Variants in SH2D3A observed in about 807,000 individuals in gnomAD.
SH2D3A encodes SH2 domain-containing protein 3A.
A neutral mutation model predicts 50.6 loss-of-function variants in SH2D3A; 46 were observed. That is an observed-to-expected ratio of 0.91 (90% CI 0.72 to 1.16). The LOEUF is 1.16. Among genes scored for constraint, SH2D3A ranks in the 50% most tolerant of loss-of-function variants. SH2D3A has a pLI of 0.00. For synonymous variants in SH2D3A, 377 were observed against 348.4 expected (o/e 1.08, Z -0.91); for missense variants, 783 against 786.2 (o/e 1.00, Z 0.05).
At position 6,756,254 on chromosome 19, in the gene SH2D3A, T is replaced by C. The variant is rs1041031763; in HGVS notation, c.497-939A>G. Among the ~76,000 whole-genome samples the C allele has an allele frequency of 2.0e-5, 3 of 149,396 alleles. No homozygotes were observed. In the Admixed American group the frequency reaches 2.0e-4, roughly 10 times the overall value. On this transcript the variant is annotated intron_variant, in intron 4 of 9. Transcript: ENST00000245908. ...TATATACTACATATAATTACATTTATATATGATAGATATTTTACTTTTTTT... is the reference window on the plus strand; with the variant it reads ...TATATACTACATATAATTACATTTACATATGATAGATATTTTACTTTTTTT...
chr19:6,761,864 G>T (rs1235478124), intron 2 of SH2D3A, among the ~76,000 whole-genome samples: 5 of 151,376 alleles, frequency 3.3e-5, no homozygotes, highest in African/African-American at 9.7e-5. Context: ...TGGGAGAATC[G>T]CTTGAACCCA....
At chr19:6,761,977 C>A (rs201265318) in intron 2 of SH2D3A, among the ~76,000 whole-genome samples, 2,643 of 127,880 alleles carry the variant, frequency 0.021, 103 homozygotes, top group African/African-American at 0.075. Context: ...AAAAAAAAAA[C>A]AAAAAAAAGG....
At position 6,754,740 on chromosome 19, in the gene SH2D3A, G is replaced by T. The variant is rs540636347; in HGVS notation, c.982-9C>A. ...CCCAGGAGGCCTGTGGCCTGCAGAA[G>T]GGAATGGGGAAGTCAGGTGAAGCGT... is the stretch of plus-strand genomic sequence containing the variant. On this transcript the variant is annotated splice_polypyrimidine_tract_variant and intron_variant, in intron 5 of 9. Coordinates refer to ENST00000245908, the MANE Select transcript of SH2D3A (RefSeq NM_005490.3). 6.2e-7 allele frequency: 1 copy of T among 1,613,894 alleles called. No individual in the cohort carries two copies.
intron 1 of SH2D3A, 87 bp from the exon 2 acceptor site, chr19:6,763,903 A>ATATTTT: frequency 3.7e-6 from 1 of 266,770 alleles, no homozygotes; most frequent in African/African-American, 2.6e-5. Context: ...GCTCCATCAA[A>ATATTTT]TCTTTTTTTT....
chr19:6,754,180 G>A lies in SH2D3A; in HGVS notation c.1273-17C>T, dbSNP rs1329399254. The stretch of plus-strand genomic sequence containing the variant: ...CCGGGACACCTGGGAGAAGAGATCT[G>A]AGCACGCCTCCTCTCCAGTCTTCCC... On this transcript the variant is annotated splice_polypyrimidine_tract_variant and intron_variant, in intron 7 of 9. Coordinates refer to ENST00000245908, the MANE Select transcript of SH2D3A (RefSeq NM_005490.3). 3.1e-6 allele frequency: 5 copies of A among 1,610,520 alleles called. No homozygotes were observed. The highest frequency in any genetic ancestry group is 4.2e-6 in the Non-Finnish European group (5 of 1,178,774).
Position 6,754,653 on chromosome 19 carries a change from G to A in SH2D3A, c.1060C>T (p.Pro354Ser), listed in dbSNP as rs778370742. The A allele has an allele frequency of 6.2e-7, 1 of 1,614,212 alleles. No homozygotes were observed. The highest frequency in any genetic ancestry group is 2.2e-5 in the East Asian group (1 of 44,878). ...TCCAACCTCAAGTGGTGTCCATGGG[G>A]AAGAGTGAGCAGCTCCAGGCCAGAT... ...VSSGLELLTL[P>S]HGHHLRLELL... Residue 354 changes from proline to serine, a missense_variant, in exon 6 of 10, where the codon CCC (proline) becomes TCC (serine). Physicochemically the swap from Pro to Ser is moderately conservative, Grantham distance 74 (BLOSUM62 -1). Transcript: ENST00000245908.
In SH2D3A at chr19:6,759,732, C is replaced by T. The variant is rs181902143; in HGVS notation, c.420-62G>A. On this transcript the variant is annotated intron_variant, in intron 3 of 9. Coordinates refer to ENST00000245908, the MANE Select transcript of SH2D3A (RefSeq NM_005490.3). Reference sequence around the variant, plus strand: ...CCTAAGCAGTGTCCCCCACCAATATCTGCAAAACCCTGTGTCCAGTTACTC... The same window carrying T: ...CCTAAGCAGTGTCCCCCACCAATATTTGCAAAACCCTGTGTCCAGTTACTC... 11,608 of 1,510,250 alleles carry T rather than the reference C, an allele frequency of 7.7e-3. 68 individuals carry two copies. The highest frequency in any genetic ancestry group is 0.014 in the Middle Eastern group (81 of 5,756). The allele number at this position is 1,510,250 out of a possible 1,614,324, so 93.6% of individuals were successfully genotyped here.
chr19:6,759,456 T>G lies in SH2D3A; in HGVS notation c.496+138A>C, dbSNP rs375473747. The G allele has an allele frequency of 7.5e-5, 57 of 762,036 alleles. No individual in the cohort carries two copies. In the East Asian group the frequency reaches 9.6e-4, roughly 13 times the overall value. The allele number at this position is 762,036 out of a possible 1,614,324, so 47.2% of individuals were successfully genotyped here. A position where few individuals can be genotyped will look rare whatever the true frequency, so the allele number is the denominator to read the frequency against. ...AGCACCCACAAAGTCCCTGCATGTT[T>G]TAAGTCATCGTGATTGTCATCATTT... On this transcript the variant is annotated intron_variant, in intron 4 of 9. Coordinates refer to ENST00000245908, the MANE Select transcript of SH2D3A (RefSeq NM_005490.3).
At chr19:6,758,155 T>TTTTA (rs748038543) in intron 4 of SH2D3A, 15,285 of 151,910 alleles carry the variant, frequency 0.1, 824 homozygotes, top group African/African-American at 0.13. Context: ...ATTTTATTTT[T>TTTTA]TTTTAGTAGA....
chr19:6,752,749 G>C lies in SH2D3A; in HGVS notation c.1575C>G (p.Phe525Leu), dbSNP rs1290714291. ...RKVAAQRLRG[F>L]RPNPELREAL... ...CCTCCCTCAGCTCCGGGTTAGGCCG[G>C]AATCCTGGAAGCAAGGTCAGGTGGG... Residue 525 changes from phenylalanine to leucine, a missense_variant, in exon 10 of 10, where the codon TTC (phenylalanine) becomes TTG (leucine). Coordinates refer to ENST00000245908, the MANE Select transcript of SH2D3A (RefSeq NM_005490.3). The C allele has an allele frequency of 6.5e-7, 1 of 1,535,636 alleles. No homozygotes were observed. The highest frequency in any genetic ancestry group is 8.8e-7 in the Non-Finnish European group (1 of 1,137,224).
chr19:6,763,253 G>A (rs550383686), intron 2 of SH2D3A, among the ~76,000 whole-genome samples: 74 of 152,034 alleles, frequency 4.9e-4, no homozygotes, highest in African/African-American at 1.8e-3. Context: ...TATTAGAGAT[G>A]GGGTTTCACA....
intron 3 of SH2D3A, among the ~76,000 whole-genome samples, chr19:6,760,249 G>A (rs940405460): frequency 2.0e-5 from 3 of 152,110 alleles, no homozygotes; most frequent in Admixed American, 6.6e-5. Flanking sequence ...GGTGGTGCAC[G>A]CCTGTAATCC....
rs1328942729 is a variant in SH2D3A at position 6,752,493 on chromosome 19, T to C, written c.*100A>G. 1 of 1,188,692 alleles carries C rather than the reference T, an allele frequency of 8.4e-7. No individual in the cohort carries two copies. Among genetic ancestry groups the C allele is most frequent in the Non-Finnish European group, 1.1e-6 (1 of 892,282 alleles). The allele number at this position is 1,188,692 out of a possible 1,614,324, so 73.6% of individuals were successfully genotyped here. A position where few individuals can be genotyped will look rare whatever the true frequency, so the allele number is the denominator to read the frequency against. On this transcript the variant is annotated 3_prime_UTR_variant, in exon 10 of 10. Coordinates refer to ENST00000245908, the MANE Select transcript of SH2D3A (RefSeq NM_005490.3). ...CTCTTCTGTGAGGCACAGGGCAGGA[T>C]TCCACCTGAGGCGCGAGGAGCCTGG...
In SH2D3A at chr19:6,755,234, G is replaced by T. The variant is rs543050397; in HGVS notation, c.578C>A (p.Thr193Asn). ...VLLKAPAPLG[T>N]VADSLRASDG... ...GGAGGCCCTGAGACTGTCGGCAACA[G>T]TTCCCAGGGGAGCAGGGGCCTTCAG... is the stretch of plus-strand genomic sequence containing the variant. Residue 193 changes from threonine to asparagine, a missense_variant, in exon 5 of 10, where the codon ACT becomes AAT. Transcript: ENST00000245908. The T allele has an allele frequency of 2.6e-6, 4 of 1,542,900 alleles. No homozygotes were observed. In the East Asian group the frequency reaches 9.0e-5, roughly 35 times the overall value.
Position 6,754,601 on chromosome 19 carries a change from A to G in SH2D3A, c.1097+15T>C. 1 of 1,614,016 alleles carries G rather than the reference A, an allele frequency of 6.2e-7. No homozygotes were observed. Among genetic ancestry groups the G allele is most frequent in the Middle Eastern group, 1.7e-4 (1 of 6,060 alleles). On this transcript the variant is annotated intron_variant, in intron 6 of 9. Transcript: ENST00000245908. ...ATTGGCCTCCCCCAACCAAGATTAC[A>G]AGCTGCTGGCTCACCTCTCCAGCAG...
chr19:6,754,369 A>T lies in SH2D3A; in HGVS notation c.1154T>A (p.Leu385Gln), dbSNP rs1281756046. The T allele has an allele frequency of 3.2e-6, 5 of 1,555,698 alleles. No individual in the cohort carries two copies. The highest frequency in any genetic ancestry group is 4.3e-6 in the Non-Finnish European group (5 of 1,158,876). ...ALAVLGCSGPLEERAAALRGL... is the reference protein window; with the variant it reads ...ALAVLGCSGPQEERAAALRGL... ...CCTCAGTGCGGCTGCGCGCTCCTCC[A>T]GCGGCCCCGAGCAGCCCAGCACCGC... The change falls in exon 7 of 10, where the codon CTG becomes CAG. Residue 385 changes from leucine to glutamine, a missense_variant. Leu to Gln is a moderately radical substitution (Grantham distance 113). Coordinates refer to ENST00000245908, the MANE Select transcript of SH2D3A (RefSeq NM_005490.3).
At chr19:6,760,511 T>C in intron 3 of SH2D3A, 127 bp downstream of exon 3, 1 of 757,044 alleles carries the variant, frequency 1.3e-6, no homozygotes, top group Non-Finnish European at 2.1e-6. Flanking sequence ...TGAGCTGAAA[T>C]CATGCCACTG....
intron 9 of SH2D3A, 42 bp downstream of exon 9, chr19:6,753,414 G>C (rs1264884940): frequency 3.5e-6 from 5 of 1,429,144 alleles, no homozygotes; most frequent in Admixed American, 2.9e-5. Flanking sequence ...GAACCTGCAG[G>C]GTGCTCTGAA....
rs771305573 is a variant in SH2D3A at position 6,753,444 on chromosome 19, G to A, written c.1570+12C>T. The A allele has an allele frequency of 4.5e-5, 67 of 1,492,822 alleles. No individual in the cohort carries two copies. In the Middle Eastern group the frequency reaches 1.7e-3, roughly 39 times the overall value. The allele number at this position is 1,492,822 out of a possible 1,614,324, so 92.5% of individuals were successfully genotyped here. Reference sequence around the variant, plus strand: ...TCTGAAGTCTGCAGTCCAGCGCAGAGGGAACGCTCACCTCGCAGGCGCTGG... The same window carrying A: ...TCTGAAGTCTGCAGTCCAGCGCAGAAGGAACGCTCACCTCGCAGGCGCTGG... On this transcript the variant is annotated intron_variant, in intron 9 of 9. Coordinates refer to ENST00000245908, the MANE Select transcript of SH2D3A (RefSeq NM_005490.3).
Sources: gnomAD v4.1 joint callset for allele counts (sites outside exome capture counted in the v4.1 genomes callset) on GRCh38, gnomAD v4.1.1 for gene constraint, MANE v1.5 for transcripts, NCBI Gene and HGNC (gene_info 2026-07-23, HGNC 2026-07-21) for gene names.